EBF4: variants seen among roughly 807,000 people sequenced by gnomAD.
EBF4 encodes transcription factor COE4.
A neutral mutation model predicts 67.1 loss-of-function variants in EBF4; 34 were observed. That is an observed-to-expected ratio of 0.51 (90% CI 0.39 to 0.67). The LOEUF (loss-of-function observed/expected upper bound fraction) is 0.67. Ranked by LOEUF, EBF4 falls within the 30% of genes least tolerant of loss-of-function variation. The pLI, the probability that EBF4 is intolerant of heterozygous loss-of-function variation, is 0.00. For synonymous variants in EBF4, 387 were observed against 377.7 expected (o/e 1.02, Z -0.29); for missense variants, 837 against 873.3 (o/e 0.96, Z 0.52).
chr20:2,696,675 T>C lies in EBF4; in HGVS notation c.137+2893T>C, dbSNP rs1281621323. Among the ~76,000 whole-genome samples, 1 of 152,060 alleles carries C rather than the reference T, an allele frequency of 6.6e-6. No individual in the cohort carries two copies. Among genetic ancestry groups the C allele is most frequent in the East Asian group, 1.9e-4 (1 of 5,178 alleles). ...CGCCTCCAGTAAGTGCTATGGTCTA[T>C]TGAAACAATCCCTCTGCCCTCAGCA... On this transcript the variant is annotated intron_variant, in intron 1 of 16. Coordinates refer to ENST00000609451, the Ensembl canonical transcript of EBF4. This position sits in a 1 kb window ranked among gnomAD's most constrained non-coding sequence, Gnocchi z 4.7.
chr20:2,711,159 A>G (rs2087539131), intron 6 of EBF4, among the ~76,000 whole-genome samples: 1 of 150,040 alleles, frequency 6.7e-6, no homozygotes, highest in Non-Finnish European at 1.5e-5. Flanking sequence ...AATAATAATA[A>G]TAATAATAAT....
At position 2,739,046 on chromosome 20, in the gene EBF4, A is replaced by G. The variant is rs1030439357; in HGVS notation, c.558-9503A>G. ...GTGGCTGTGGCCCTGGGGACAGTCT[A>G]TCTTGGCTTCTACCGCAGGCTAAGA... On this transcript the variant is annotated intron_variant, in intron 6 of 16. Transcript: ENST00000609451. The surrounding 1 kb of genome is among the most constrained non-coding windows in gnomAD (Gnocchi z 4.5). Among the ~76,000 whole-genome samples, 4 of 152,262 alleles carry G rather than the reference A, an allele frequency of 2.6e-5. No homozygotes were observed. The East Asian group carries it at 5.8e-4, about 22-fold the overall frequency.
At chr20:2,759,105 C>G (rs530012996) in intron 16 of EBF4, 121 bp downstream of exon 16, 7 of 1,010,276 alleles carry the variant, frequency 6.9e-6, no homozygotes, top group Non-Finnish European at 1.0e-5. Context: ...GGATGGGGAG[C>G]TGGGGTCCAA....
At chr20:2,729,772 T>C (rs544747824) in intron 6 of EBF4, among the ~76,000 whole-genome samples, 1 of 152,266 alleles carries the variant, frequency 6.6e-6, no homozygotes, top group South Asian at 2.1e-4. Context: ...CAAAGAGTAG[T>C]AAGTAGAGGT....
rs141773663 is a variant in EBF4 at position 2,727,182 on chromosome 20, A to G, written c.557+17540A>G. Reference sequence around the variant, plus strand: ...TTATTATATATTATATGTTTATAACATGTATATATATTTTATTATATACAT... The same window carrying G: ...TTATTATATATTATATGTTTATAACGTGTATATATATTTTATTATATACAT... On this transcript the variant is annotated intron_variant, in intron 6 of 16. Coordinates refer to ENST00000609451, the Ensembl canonical transcript of EBF4. 1.8e-4 allele frequency among the ~76,000 whole-genome samples: 27 copies of G among 152,082 alleles called. 1 individual carries two copies. In the East Asian group the frequency reaches 3.7e-3, roughly 21 times the overall value.
intron 14 of EBF4, among the ~76,000 whole-genome samples, chr20:2,753,332 T>C (rs2088187121): frequency 6.6e-6 from 1 of 152,210 alleles, no homozygotes; most frequent in Non-Finnish European, 1.5e-5. Flanking sequence ...GGACAGGCAA[T>C]GTCTGCATGT....
intron 1 of EBF4, among the ~76,000 whole-genome samples, chr20:2,704,563 T>C (rs2024556): frequency 0.38 from 58,036 of 152,100 alleles, 11,209 homozygotes; most frequent in East Asian, 0.51. Flanking sequence ...TATTCTGCCC[T>C]TTTTCTTGTT....
Position 2,756,607 on chromosome 20 carries a change from AG to A in EBF4, c.1738+785del, listed in dbSNP as rs1334792291. Among the ~76,000 whole-genome samples, 14 of 152,368 alleles carry A rather than the reference AG, an allele frequency of 9.2e-5. No homozygotes were observed. The highest frequency in any genetic ancestry group is 3.1e-4 in the African/African-American group (13 of 41,586). ...AAGGGATGCTTCCACGGGATCCCCT[AG>A]GACTCAATCTGGCATGCAGCAGGTG... On this transcript the variant is annotated intron_variant, in intron 15 of 16. Transcript: ENST00000609451. This position sits in a 1 kb window ranked among gnomAD's most constrained non-coding sequence, Gnocchi z 4.5.
At position 2,693,700 on chromosome 20, in the gene EBF4, C is replaced by G; in HGVS notation, c.55C>G (p.Pro19Ala). ...CAGCGGGCTGAACCTGAAGGAGGAG[C>G]CGCTGCTGCCCGCCGGCCTGGGCTC... is the stretch of plus-strand genomic sequence containing the variant. The change falls in exon 1 of 17, where the codon CCG becomes GCG. Residue 19 changes from proline (P) to alanine (A), a missense_variant. Pro to Ala is a conservative substitution (Grantham distance 27, BLOSUM62 -1). Coordinates refer to ENST00000609451, the Ensembl canonical transcript of EBF4. This position sits in a 1 kb window ranked among gnomAD's most constrained non-coding sequence, Gnocchi z 4.6. 1.4e-6 allele frequency: 2 copies of G among 1,424,846 alleles called. No individual in the cohort carries two copies. Among genetic ancestry groups the G allele is most frequent in the South Asian group, 2.8e-5 (2 of 70,374 alleles). The allele number at this position is 1,424,846 out of a possible 1,614,324, so 88.3% of individuals were successfully genotyped here. A position where few individuals can be genotyped will look rare whatever the true frequency, so the allele number is the denominator to read the frequency against.
chr20:2,724,680 G>A (rs563789262), intron 6 of EBF4, among the ~76,000 whole-genome samples: 2 of 152,170 alleles, frequency 1.3e-5, no homozygotes, highest in Non-Finnish European at 2.9e-5. Context: ...CGAGGTACAA[G>A]AATCACCTGA....
upstream of EBF4, chr20:2,693,533 G>A: frequency 8.0e-7 from 1 of 1,248,374 alleles, no homozygotes; most frequent in Non-Finnish European, 1.0e-6. The surrounding 1 kb of genome is among the most constrained non-coding windows in gnomAD (Gnocchi z 4.6). Flanking sequence ...CCCGGACTCG[G>A]CGCTGCGCTG....
At chr20:2,736,731 G>A (rs1239065457) in intron 6 of EBF4, among the ~76,000 whole-genome samples, 2 of 152,180 alleles carry the variant, frequency 1.3e-5, no homozygotes, top group African/African-American at 4.8e-5. Context: ...TCTTTTCAGA[G>A]CTGAGAGCAT....
At chr20:2,752,387 CCCG>C (rs1436239966) in exon 14 of EBF4, 7 of 1,253,440 alleles carry the variant, frequency 5.6e-6, no homozygotes, top group Non-Finnish European at 7.0e-6. Flanking sequence ...AGCGCGTCCC[CCCG>C]CGGGTTCGCG....
At chr20:2,737,448 G>A (rs1314906991) in intron 6 of EBF4, among the ~76,000 whole-genome samples, 3 of 152,070 alleles carry the variant, frequency 2.0e-5, no homozygotes, top group African/African-American at 7.2e-5. Context: ...GTCTGGCTAT[G>A]TAACTGGGAG....
In EBF4 at chr20:2,755,510, C is replaced by T. The variant is rs76046761; in HGVS notation, c.1541-117C>T. On this transcript the variant is annotated intron_variant, in intron 14 of 16. Transcript: ENST00000609451. The surrounding 1 kb of genome is among the most constrained non-coding windows in gnomAD (Gnocchi z 4.7). ...CTCCCAGTGAGATCTGAGCCTGGTA[C>T]CTGTGTCAGCAGCCCATGTGGGGCC... is the stretch of plus-strand genomic sequence containing the variant. The T allele has an allele frequency of 3.1e-6, 2 of 646,334 alleles. No individual in the cohort carries two copies. The highest frequency in any genetic ancestry group is 5.4e-5 in the East Asian group (2 of 36,728). 40.0% of individuals were successfully genotyped at this position (646,334 alleles called of 1,614,324 possible). A position where few individuals can be genotyped will look rare whatever the true frequency, so the allele number is the denominator to read the frequency against.
At chr20:2,718,833 C>T (rs1478266436) in intron 6 of EBF4, among the ~76,000 whole-genome samples, 1 of 152,110 alleles carries the variant, frequency 6.6e-6, no homozygotes, top group Non-Finnish European at 1.5e-5. Flanking sequence ...TTAATTCCTT[C>T]TCCTTCTGGT....
intron 6 of EBF4, among the ~76,000 whole-genome samples, chr20:2,731,717 C>G (rs1479497877): frequency 6.6e-6 from 1 of 152,196 alleles, no homozygotes; most frequent in Non-Finnish European, 1.5e-5. Context: ...CCGTGGGTAC[C>G]AGATGCCTCT....
At chr20:2,703,720 G>GAA (rs144819609) in intron 1 of EBF4, among the ~76,000 whole-genome samples, 39,087 of 143,856 alleles carry the variant, frequency 0.27, 5,153 homozygotes, top group East Asian at 0.38. Context: ...TATCTAAAAA[G>GAA]AAAAAAAAAA....
At chr20:2,702,187 A>G (rs575221376) in intron 1 of EBF4, among the ~76,000 whole-genome samples, 34 of 152,316 alleles carry the variant, frequency 2.2e-4, no homozygotes, top group African/African-American at 7.9e-4. Context: ...TAATCCCAGC[A>G]CTTTGGGAGG....
Sources: allele counts gnomAD v4.1 joint callset (sites outside exome capture counted in the v4.1 genomes callset), GRCh38; gene constraint gnomAD v4.1.1; non-coding constraint Gnocchi (gnomAD v3.1); transcripts MANE v1.5; gene names NCBI Gene and HGNC (gene_info 2026-07-23, HGNC 2026-07-21).